Variants in PRKN observed in about 807,000 individuals in gnomAD.
The protein encoded by PRKN is E3 ubiquitin-protein ligase parkin.
A neutral mutation model predicts 59.5 loss-of-function variants in PRKN; 56 were observed. The ratio of observed to expected loss-of-function variants is 0.94; its 90% CI spans 0.76 to 1.18. The LOEUF (loss-of-function observed/expected upper bound fraction) is 1.18. Ranked by LOEUF, PRKN falls within the 50% of genes most tolerant of loss-of-function variation. PRKN has a pLI of 0.00. For missense variants in PRKN, 657 were observed against 596.4 expected, an observed-to-expected ratio of 1.10 and a Z score of -1.06; for synonymous variants, 250 against 222.1, an observed-to-expected ratio of 1.13 and a Z score of -1.12.
Position 161,349,910 on chromosome 6 carries a change from T to C in PRKN, c.*189A>G, listed in dbSNP as rs1315789624. The C allele has an allele frequency of 1.6e-6, 1 of 635,226 alleles. No individual in the cohort carries two copies. Among genetic ancestry groups the C allele is most frequent in the African/African-American group, 1.8e-5 (1 of 55,412 alleles). The allele number at this position is 635,226 out of a possible 1,614,324, so 39.3% of individuals were successfully genotyped here. On this transcript the variant is annotated 3_prime_UTR_variant, in exon 12 of 12. Transcript: ENST00000366898. This position sits in a 1 kb window ranked among gnomAD's most constrained non-coding sequence, Gnocchi z 5.5. Reference sequence around the variant, plus strand: ...TGTAATTTTACTCTGCTGTTTTTCATGGACATAGTGAAAGGGATCCAGGAG... The same window carrying C: ...TGTAATTTTACTCTGCTGTTTTTCACGGACATAGTGAAAGGGATCCAGGAG...
chr6:162,679,074 CTTTA>C (rs71008105), intron 1 of PRKN, among the ~76,000 whole-genome samples: 10,771 of 138,104 alleles, frequency 0.078, 488 homozygotes, highest in Middle Eastern at 0.16. Flanking sequence ...TGTGCCTGGC[CTTTA>C]TTTATTTATT....
intron 2 of PRKN, among the ~76,000 whole-genome samples, chr6:162,277,378 A>G (rs1356619921): frequency 3.3e-5 from 5 of 152,208 alleles, no homozygotes; most frequent in African/African-American, 1.2e-4. Flanking sequence ...ATGAGGAGAC[A>G]ATAAAACAAA....
intron 7 of PRKN, among the ~76,000 whole-genome samples, chr6:161,599,151 T>C (rs1583277250): frequency 6.6e-6 from 1 of 152,348 alleles, no homozygotes; most frequent in Admixed American, 6.5e-5. Flanking sequence ...AACAACTTGA[T>C]TGCAGACTTC....
rs146152424 is a variant in PRKN, at chr6:161,526,424, G to T, written c.1083+22430C>A. On this transcript the variant is annotated intron_variant, in intron 9 of 11. Coordinates refer to ENST00000366898, the MANE Select transcript of PRKN (RefSeq NM_004562.3). This position sits in a 1 kb window ranked among gnomAD's most constrained non-coding sequence, Gnocchi z 4.1. ...TACAACAATGGGCAAAAAGTTTCTCGAATGCACACAAACTAAAATATTAAG... is the reference window on the plus strand; with the variant it reads ...TACAACAATGGGCAAAAAGTTTCTCTAATGCACACAAACTAAAATATTAAG... 6.6e-6 allele frequency among the ~76,000 whole-genome samples: 1 copy of T among 152,124 alleles called. No homozygotes were observed. The highest frequency in any genetic ancestry group is 1.5e-5 in the Non-Finnish European group (1 of 68,022).
rs1786699230 is a variant in PRKN at position 161,395,147 on chromosome 6, G to A, written c.1084-8270C>T. Among the ~76,000 whole-genome samples, 1 of 152,048 alleles carries A rather than the reference G, an allele frequency of 6.6e-6. No homozygotes were observed. The highest frequency in any genetic ancestry group is 2.1e-4 in the South Asian group (1 of 4,814). On this transcript the variant is annotated intron_variant, in intron 9 of 11. Coordinates refer to ENST00000366898, the MANE Select transcript of PRKN (RefSeq NM_004562.3). This position sits in a 1 kb window ranked among gnomAD's most constrained non-coding sequence, Gnocchi z 5.0. ...ACAATCACTGTCACCTGTTTGTATA[G>A]GTATTGTTCCAGAAATATGTTCTGC...
At chr6:162,132,250 C>A (rs1488810544) in intron 4 of PRKN, among the ~76,000 whole-genome samples, 1 of 152,084 alleles carries the variant, frequency 6.6e-6, no homozygotes, top group African/African-American at 2.4e-5. Context: ...CAGATTCATA[C>A]TCTGGGTCAT....
intron 9 of PRKN, among the ~76,000 whole-genome samples, chr6:161,389,712 T>C (rs181162238): frequency 6.6e-6 from 1 of 152,356 alleles, no homozygotes; most frequent in East Asian, 1.9e-4. Flanking sequence ...CATGGAGAAC[T>C]GGCAATGGGG....
intron 6 of PRKN, among the ~76,000 whole-genome samples, chr6:161,895,602 G>T (rs149289555): frequency 8.7e-6 from 1 of 115,112 alleles, no homozygotes; most frequent in Middle Eastern, 3.7e-3. Flanking sequence ...TGAGATTCAG[G>T]AGCACGCCCA....
In PRKN at chr6:161,519,472, G is replaced by A. The variant is rs117262805; in HGVS notation, c.1083+29382C>T. Reference sequence around the variant, plus strand: ...GTAGTAACATATCTCCCTCCAAAGCGTGGAGAGCTCAGAGGGGAGGGATAT... The same window carrying A: ...GTAGTAACATATCTCCCTCCAAAGCATGGAGAGCTCAGAGGGGAGGGATAT... On this transcript the variant is annotated intron_variant, in intron 9 of 11. Transcript: ENST00000366898. Among the ~76,000 whole-genome samples, 273 of 152,276 alleles carry A rather than the reference G, an allele frequency of 1.8e-3. 1 individual carries two copies. The highest frequency in any genetic ancestry group is 4.1e-3 in the Admixed American group (63 of 15,288).
chr6:162,035,515 T>C (rs1216706987), intron 5 of PRKN, among the ~76,000 whole-genome samples: 5 of 152,218 alleles, frequency 3.3e-5, no homozygotes, highest in Admixed American at 3.3e-4. Flanking sequence ...ATGCTTAACT[T>C]AGGTGTTAAA....
intron 1 of PRKN, among the ~76,000 whole-genome samples, chr6:162,606,816 AAGTG>A (rs1263215406): frequency 6.6e-6 from 1 of 152,158 alleles, no homozygotes; most frequent in Non-Finnish European, 1.5e-5. Flanking sequence ...TCCTGGGTTC[AAGTG>A]ATTCTCCTGC....
intron 9 of PRKN, among the ~76,000 whole-genome samples, chr6:161,520,925 T>C (rs1419465550): frequency 1.3e-5 from 2 of 152,222 alleles, no homozygotes; most frequent in Non-Finnish European, 2.9e-5. Context: ...TAAATGCTTC[T>C]TGAAATCAGG....
intron 2 of PRKN, among the ~76,000 whole-genome samples, chr6:162,410,820 A>G (rs995337010): frequency 6.6e-6 from 1 of 152,168 alleles, no homozygotes; most frequent in Non-Finnish European, 1.5e-5. Context: ...AGATTCAAGG[A>G]AGCCTCTCCT....
At chr6:162,559,050 C>A (rs1779729101) in intron 1 of PRKN, among the ~76,000 whole-genome samples, 1 of 149,996 alleles carries the variant, frequency 6.7e-6, no homozygotes, top group Non-Finnish European at 1.5e-5. Flanking sequence ...ACTTGGGAGG[C>A]TGAGGCAGGA....
intron 2 of PRKN, among the ~76,000 whole-genome samples, chr6:162,308,168 C>T (rs1782318584): frequency 2.0e-5 from 3 of 152,156 alleles, no homozygotes; most frequent in African/African-American, 7.2e-5. Flanking sequence ...CCCTCAGGGT[C>T]AGGAAACACC....
In PRKN at chr6:161,373,971, C is replaced by G. The variant is rs541619443; in HGVS notation, c.1167+12823G>C. ...GTGGCTGGGGTGCCTTTCAAAGTGG[C>G]GTTCACTCCCTTTTCCCCCAGGTCA... On this transcript the variant is annotated intron_variant, in intron 10 of 11. Coordinates refer to ENST00000366898, the MANE Select transcript of PRKN (RefSeq NM_004562.3). This position sits in a 1 kb window ranked among gnomAD's most constrained non-coding sequence, Gnocchi z 4.8. Among the ~76,000 whole-genome samples, 1 of 152,124 alleles carries G rather than the reference C, an allele frequency of 6.6e-6. No individual in the cohort carries two copies. Among genetic ancestry groups the G allele is most frequent in the Non-Finnish European group, 1.5e-5 (1 of 68,024 alleles).
At position 162,012,246 on chromosome 6, in the gene PRKN, A is replaced by G. The variant is rs557879950; in HGVS notation, c.619-38829T>C. 2.0e-5 allele frequency among the ~76,000 whole-genome samples: 3 copies of G among 152,236 alleles called. No individual in the cohort carries two copies. In the East Asian group the frequency reaches 5.8e-4, roughly 29 times the overall value. ...GAACAGTTGCAAAAATTGTACAAAG[A>G]ACTCTTACATATTCTTCATCCAGCC... On this transcript the variant is annotated intron_variant, in intron 5 of 11. Coordinates refer to ENST00000366898, the MANE Select transcript of PRKN (RefSeq NM_004562.3).
At chr6:161,962,201 A>G (rs1196553654) in intron 6 of PRKN, among the ~76,000 whole-genome samples, 7 of 152,232 alleles carry the variant, frequency 4.6e-5, no homozygotes, top group African/African-American at 1.4e-4. Context: ...AGCTACATAA[A>G]GGATGTTTAT....
rs2114902080 is a variant in PRKN at position 161,373,066 on chromosome 6, C to A, written c.1168-12861G>T. 6.6e-6 allele frequency among the ~76,000 whole-genome samples: 1 copy of A among 152,208 alleles called. No homozygotes were observed. The highest frequency in any genetic ancestry group is 6.5e-5 in the Admixed American group (1 of 15,294). The stretch of plus-strand genomic sequence containing the variant: ...CTTCAAGTGATCCTCCCACCCTGGC[C>A]TCCCAAAGTGTGGGGCTGCCGGTGT... On this transcript the variant is annotated intron_variant, in intron 10 of 11. Coordinates refer to ENST00000366898, the MANE Select transcript of PRKN (RefSeq NM_004562.3). The surrounding 1 kb of genome is among the most constrained non-coding windows in gnomAD (Gnocchi z 4.8).
Sources: gnomAD v4.1 joint callset for allele counts (sites outside exome capture counted in the v4.1 genomes callset) on GRCh38, gnomAD v4.1.1 for gene constraint, Gnocchi (gnomAD v3.1) non-coding constraint, MANE v1.5 for transcripts, NCBI Gene and HGNC (gene_info 2026-07-23, HGNC 2026-07-21) for gene names.